The following CEMIP variants were observed in gnomAD, a reference collection of about 807,000 sequenced individuals.
CEMIP encodes cell migration inducing hyaluronidase 1, also known as cell migration-inducing and hyaluronan-binding protein.
In CEMIP, 105 loss-of-function variants were observed where a neutral mutation model predicts 156.9. The observed-to-expected ratio is 0.67, with a 90% CI of 0.57 to 0.79. The LOEUF (loss-of-function observed/expected upper bound fraction) is 0.79. Among genes scored for constraint, CEMIP ranks in the 30% least tolerant of loss-of-function variants. The pLI, the probability that CEMIP is intolerant of heterozygous loss-of-function variation, is 0.00. For missense variants in CEMIP, 1,457 were observed against 1,769.4 expected (o/e 0.82, Z 3.17); for synonymous variants, 676 against 668.4 (o/e 1.01, Z -0.17).
intron 1 of CEMIP, among the ~76,000 whole-genome samples, chr15:80,816,849 G>A (rs1387757191): frequency 6.6e-6 from 1 of 152,078 alleles, no homozygotes; most frequent in Non-Finnish European, 1.5e-5. Context: ...CTTGTGATTA[G>A]GAGCCTACAG....
At chr15:80,881,212 C>G in intron 6 of CEMIP, 76 bp downstream of exon 6, 1 of 1,279,532 alleles carries the variant, frequency 7.8e-7, no homozygotes, top group Non-Finnish European at 1.1e-6. Flanking sequence ...TGGCCAGGTG[C>G]CGCTCTAGGT....
Position 80,911,783 on chromosome 15 carries a change from G to T in CEMIP, c.1797+2477G>T, listed in dbSNP as rs150975655. Among the ~76,000 whole-genome samples the T allele has an allele frequency of 4.4e-3, 667 of 152,362 alleles. 4 individuals are homozygous for T. Among genetic ancestry groups the T allele is most frequent in the Non-Finnish European group, 4.2e-3 (286 of 68,024 alleles). The stretch of plus-strand genomic sequence containing the variant: ...AGCCCAGGTCTTAGCTGCAGCAATG[G>T]ACTCAAAAAGGGGGAAGCGGCACAA... On this transcript the variant is annotated intron_variant, in intron 14 of 29. Transcript: ENST00000394685.
chr15:80,812,830 C>T (rs1223003218), intron 1 of CEMIP, among the ~76,000 whole-genome samples: 1 of 152,112 alleles, frequency 6.6e-6, no homozygotes, highest in Non-Finnish European at 1.5e-5. Context: ...TGTTAACAAA[C>T]ACTTAGCGTA....
intron 1 of CEMIP, among the ~76,000 whole-genome samples, chr15:80,861,456 A>T (rs1897985800): frequency 6.6e-6 from 1 of 152,196 alleles, no homozygotes; most frequent in Non-Finnish European, 1.5e-5. Context: ...TTCTCCAGGC[A>T]TCCTCACTCT....
chr15:80,937,273 C>G (rs977842009), intron 24 of CEMIP, among the ~76,000 whole-genome samples: 1 of 152,150 alleles, frequency 6.6e-6, no homozygotes, highest in Non-Finnish European at 1.5e-5. Context: ...GAGAGGGAAA[C>G]GAGGCTCTGC....
At chr15:80,948,108 G>A (rs75062853) in intron 29 of CEMIP, 2,179 of 153,040 alleles carry the variant, frequency 0.014, 21 homozygotes, top group Non-Finnish European at 0.024. Flanking sequence ...TTAAGATCCC[G>A]GTTGCCAAAA....
intron 1 of CEMIP, among the ~76,000 whole-genome samples, chr15:80,789,935 G>A (rs1334201706): frequency 6.6e-6 from 1 of 152,202 alleles, no homozygotes; most frequent in Non-Finnish European, 1.5e-5. Context: ...CTCTGTTGAG[G>A]TTGTTTGAGG....
At chr15:80,894,426 G>A (rs1899140088) in intron 10 of CEMIP, among the ~76,000 whole-genome samples, 1 of 152,120 alleles carries the variant, frequency 6.6e-6, no homozygotes, top group African/African-American at 2.4e-5. Flanking sequence ...AGATAATATA[G>A]GTAAACATCT....
At chr15:80,882,720 T>A (rs1407068269) in intron 6 of CEMIP, among the ~76,000 whole-genome samples, 1 of 151,884 alleles carries the variant, frequency 6.6e-6, no homozygotes, top group Admixed American at 6.6e-5. Flanking sequence ...GATAGATGAA[T>A]GTGTATGAGT....
At position 80,881,102 on chromosome 15, in the gene CEMIP, G is replaced by C; in HGVS notation, c.583G>C (p.Asp195His). Residue 195 changes from aspartate to histidine, a missense_variant, in exon 6 of 30, where the codon GAC (aspartate) becomes CAC (histidine). This residue lies in a region of CEMIP where 309 missense variants were observed against 340.8 expected (regional missense o/e 0.91). Coordinates refer to ENST00000394685, the MANE Select transcript of CEMIP (RefSeq NM_001293298.2). The stretch of plus-strand genomic sequence containing the variant: ...CCGTGGAGTTATTGTTCATGTCATC[G>C]ACCCCAAATCAGGCACAGTCATCCA... ...GHRGVIVHVI[D>H]PKSGTVIHSD... is the part of the protein sequence containing the mutation. The C allele has an allele frequency of 6.2e-7, 1 of 1,614,142 alleles. No homozygotes were observed. Among genetic ancestry groups the C allele is most frequent in the Non-Finnish European group, 8.5e-7 (1 of 1,180,024 alleles).
intron 1 of CEMIP, among the ~76,000 whole-genome samples, chr15:80,833,619 CCCT>C (rs1410741902): frequency 6.6e-6 from 1 of 151,886 alleles, no homozygotes; most frequent in African/African-American, 2.4e-5. Context: ...GATGGCTCTA[CCCT>C]CCTCATCATC....
intron 1 of CEMIP, among the ~76,000 whole-genome samples, chr15:80,821,849 A>C (rs1481198014): frequency 1.3e-5 from 2 of 152,250 alleles, no homozygotes; most frequent in Non-Finnish European, 2.9e-5. Context: ...CTCTCAGGAC[A>C]GTCTCCCCTT....
intron 1 of CEMIP, among the ~76,000 whole-genome samples, chr15:80,792,330 G>T (rs572243483): frequency 4.0e-4 from 61 of 152,284 alleles, no homozygotes; most frequent in African/African-American, 1.3e-3. Context: ...TTTGCATGCT[G>T]TCTACTTTAT....
At chr15:80,836,619 C>T (rs1200712455) in intron 1 of CEMIP, among the ~76,000 whole-genome samples, 4 of 151,978 alleles carry the variant, frequency 2.6e-5, no homozygotes, top group African/African-American at 9.7e-5. Flanking sequence ...CCTTTTCCTC[C>T]TGGATTTTCT....
At chr15:80,797,919 T>G (rs1181483925) in intron 1 of CEMIP, among the ~76,000 whole-genome samples, 1 of 152,242 alleles carries the variant, frequency 6.6e-6, no homozygotes, top group Non-Finnish European at 1.5e-5. Context: ...ATTAATTAAT[T>G]CATTACACAA....
chr15:80,899,262 G>A (rs923609490), intron 12 of CEMIP, among the ~76,000 whole-genome samples: 1 of 151,422 alleles, frequency 6.6e-6, no homozygotes, highest in African/African-American at 2.4e-5. Flanking sequence ...CATACAATGT[G>A]CCAGGCAATG....
intron 1 of CEMIP, among the ~76,000 whole-genome samples, chr15:80,858,689 C>T (rs1179161897): frequency 1.3e-5 from 2 of 152,128 alleles, no homozygotes; most frequent in Non-Finnish European, 2.9e-5. Flanking sequence ...TGCGCCATTG[C>T]ACTCCAGCCT....
At chr15:80,942,156 C>T in intron 26 of CEMIP, 95 bp from the exon 27 acceptor site, 1 of 1,484,266 alleles carries the variant, frequency 6.7e-7, no homozygotes, top group South Asian at 1.1e-5. Flanking sequence ...CCTCACTCAG[C>T]TCCATAAACC....
chr15:80,894,726 C>A (rs986705022), intron 10 of CEMIP, among the ~76,000 whole-genome samples: 3 of 152,168 alleles, frequency 2.0e-5, no homozygotes, highest in African/African-American at 7.2e-5. Flanking sequence ...GTTCACCCAG[C>A]CATAAGCAGT....
Sources: allele counts gnomAD v4.1 joint callset (sites outside exome capture counted in the v4.1 genomes callset), GRCh38; gene constraint gnomAD v4.1.1; regional missense constraint gnomAD v4.1.1; transcripts MANE v1.5; gene names NCBI Gene and HGNC (gene_info 2026-07-23, HGNC 2026-07-21).